The following CTIF variants were observed in gnomAD, a reference collection of about 807,000 sequenced individuals.
CTIF encodes the protein CBP80/20-dependent translation initiation factor.
A neutral mutation model predicts 66.0 loss-of-function variants in CTIF; 21 were observed. That is an observed-to-expected ratio of 0.32 (90% CI 0.23 to 0.46). The LOEUF is 0.46. Ranked by LOEUF, CTIF falls within the 20% of genes least tolerant of loss-of-function variation. The pLI, the probability that CTIF is intolerant of heterozygous loss-of-function variation, is 1.00. For synonymous variants in CTIF, 345 were observed against 326.4 expected (o/e 1.06, Z -0.62); for missense variants, 739 against 812.7 (o/e 0.91, Z 1.10).
intron 3 of CTIF, among the ~76,000 whole-genome samples, chr18:48,644,712 G>A (rs573764805): frequency 1.7e-4 from 26 of 152,334 alleles, no homozygotes; most frequent in African/African-American, 6.3e-4. Context: ...ATCTGCTTAG[G>A]GAAATAAGCT....
At chr18:48,623,965 T>G (rs762792819) in intron 2 of CTIF, among the ~76,000 whole-genome samples, 10 of 152,148 alleles carry the variant, frequency 6.6e-5, no homozygotes, top group Non-Finnish European at 1.2e-4. Flanking sequence ...AGTTTTCCTG[T>G]CTCTTAGATG....
intron 8 of CTIF, among the ~76,000 whole-genome samples, chr18:48,758,990 G>A (rs968134678): frequency 3.3e-5 from 5 of 152,052 alleles, no homozygotes; most frequent in Non-Finnish European, 7.4e-5. Context: ...TCAGCATCAC[G>A]CAGGTGCCTA....
chr18:48,844,160 G>A (rs772497585), intron 10 of CTIF, among the ~76,000 whole-genome samples: 56 of 152,340 alleles, frequency 3.7e-4, no homozygotes, highest in South Asian at 6.2e-4. Flanking sequence ...TTGGACTGGG[G>A]GCAGTGAGCA....
At chr18:48,596,771 T>C (rs6507856) in intron 1 of CTIF, among the ~76,000 whole-genome samples, 54,756 of 151,838 alleles carry the variant, frequency 0.36, 11,249 homozygotes, top group African/African-American at 0.58. Flanking sequence ...CCACCGCACA[T>C]GTCTGGAATC....
chr18:48,685,187 G>C (rs993903094), intron 6 of CTIF, among the ~76,000 whole-genome samples: 2 of 151,594 alleles, frequency 1.3e-5, no homozygotes, highest in African/African-American at 4.8e-5. Flanking sequence ...CTGTCAATTT[G>C]ATTTTGTTTG....
intron 1 of CTIF, among the ~76,000 whole-genome samples, chr18:48,578,067 A>C (rs2089574507): frequency 6.6e-6 from 1 of 152,328 alleles, no homozygotes; most frequent in South Asian, 2.1e-4. Flanking sequence ...ACATGGAGTT[A>C]TACAATATGT....
intron 5 of CTIF, among the ~76,000 whole-genome samples, chr18:48,668,208 T>G (rs111439427): frequency 3.3e-5 from 5 of 152,306 alleles, no homozygotes; most frequent in African/African-American, 1.2e-4. Context: ...AAGCTGTGTT[T>G]GGAGTGTGCT....
chr18:48,675,248 G>T (rs986578964), intron 6 of CTIF, among the ~76,000 whole-genome samples: 5 of 152,302 alleles, frequency 3.3e-5, no homozygotes, highest in African/African-American at 9.6e-5. Flanking sequence ...AGCATTTTTG[G>T]CATCTCTATC....
chr18:48,829,573 C>G (rs2068648328), intron 10 of CTIF, among the ~76,000 whole-genome samples: 1 of 152,206 alleles, frequency 6.6e-6, no homozygotes, highest in Admixed American at 6.5e-5. Context: ...AGAGTGGGCC[C>G]CCGCCTTGCC....
At chr18:48,618,941 T>C (rs2090444956) in intron 1 of CTIF, among the ~76,000 whole-genome samples, 1 of 152,232 alleles carries the variant, frequency 6.6e-6, no homozygotes, top group African/African-American at 2.4e-5. Context: ...AGACTCACCA[T>C]AGGTGTGTTC....
At chr18:48,548,312 G>A (rs891506791) in intron 1 of CTIF, among the ~76,000 whole-genome samples, 5 of 152,202 alleles carry the variant, frequency 3.3e-5, no homozygotes, top group Admixed American at 2.0e-4. Context: ...GGCATTTGCT[G>A]AGATACTTAC....
At chr18:48,794,460 G>A (rs1337411071) in intron 9 of CTIF, among the ~76,000 whole-genome samples, 4 of 152,184 alleles carry the variant, frequency 2.6e-5, no homozygotes, top group African/African-American at 7.2e-5. Flanking sequence ...CAGGGTGGGC[G>A]AAGGGTCTTG....
intron 6 of CTIF, among the ~76,000 whole-genome samples, chr18:48,691,266 G>A (rs2091921814): frequency 6.6e-6 from 1 of 152,180 alleles, no homozygotes; most frequent in Non-Finnish European, 1.5e-5. Flanking sequence ...TAGAAACAAA[G>A]GGATTGTGCC....
At chr18:48,601,155 A>G (rs773183845) in intron 1 of CTIF, among the ~76,000 whole-genome samples, 1 of 152,134 alleles carries the variant, frequency 6.6e-6, no homozygotes, top group African/African-American at 2.4e-5. Context: ...TTATCTAGCT[A>G]TAGGAAAAGT....
At position 48,711,645 on chromosome 18, in the gene CTIF, G is replaced by A; in HGVS notation, c.534G>A (p.Val178=). 6.2e-7 allele frequency: 1 copy of A among 1,614,100 alleles called. No homozygotes were observed. The highest frequency in any genetic ancestry group is 8.5e-7 in the Non-Finnish European group (1 of 1,179,990). The change falls in exon 7 of 12, where the codon GTG becomes GTA. Residue 178 remains valine (V), a synonymous_variant. Transcript: ENST00000256413. ...GCTACCACCCGATGCCCCATGAAGT[G>A]GAGATCGCACACACCAAGAAGCTGT... ...WQGYHPMPHE[V]EIAHTKKLFR... is the part of the protein sequence containing the mutation.
At chr18:48,825,419 C>T (rs987924598) in intron 10 of CTIF, among the ~76,000 whole-genome samples, 2 of 152,210 alleles carry the variant, frequency 1.3e-5, no homozygotes, top group Non-Finnish European at 2.9e-5. Flanking sequence ...AGTCAGGCTT[C>T]TCAGGAAATG....
At chr18:48,620,274 G>A (rs572906612) in intron 2 of CTIF, among the ~76,000 whole-genome samples, 2 of 152,310 alleles carry the variant, frequency 1.3e-5, no homozygotes, top group South Asian at 4.1e-4. Flanking sequence ...AATCCAACCA[G>A]CGTCATGTTT....
At chr18:48,555,136 T>A (rs1224323326) in intron 1 of CTIF, among the ~76,000 whole-genome samples, 1 of 151,322 alleles carries the variant, frequency 6.6e-6, no homozygotes, top group Admixed American at 6.5e-5. Flanking sequence ...AATACGGTGT[T>A]CGAGGTGTGA....
intron 6 of CTIF, among the ~76,000 whole-genome samples, chr18:48,690,755 G>C (rs1422176992): frequency 6.6e-6 from 1 of 151,932 alleles, no homozygotes; most frequent in Non-Finnish European, 1.5e-5. Flanking sequence ...CCTCTTCCAA[G>C]CTGCATGGAC....
Sources: gnomAD v4.1 joint callset for allele counts (sites outside exome capture counted in the v4.1 genomes callset) on GRCh38, gnomAD v4.1.1 for gene constraint, MANE v1.5 for transcripts, NCBI Gene and HGNC (gene_info 2026-07-23, HGNC 2026-07-21) for gene names.